Variants in RABEP1 observed in about 807,000 individuals in gnomAD.
RABEP1 encodes rab GTPase-binding effector protein 1.
In RABEP1, 51 loss-of-function variants were observed where a neutral mutation model predicts 123.4. That is an observed-to-expected ratio of 0.41 (90% CI 0.33 to 0.52). The LOEUF (loss-of-function observed/expected upper bound fraction) is 0.52. Ranked by LOEUF, RABEP1 falls within the 20% of genes least tolerant of loss-of-function variation. The pLI, the probability that RABEP1 is intolerant of heterozygous loss-of-function variation, is 0.16. For missense variants in RABEP1, 888 were observed against 996.3 expected (o/e 0.89, Z 1.46); for synonymous variants, 347 against 355.2 (o/e 0.98, Z 0.26).
chr17:5,294,519 G>A (rs1475627963), intron 1 of RABEP1, among the ~76,000 whole-genome samples: 3 of 150,824 alleles, frequency 2.0e-5, no homozygotes, highest in Non-Finnish European at 1.5e-5. Context: ...ATATGCATAA[G>A]TTATATGCAA....
chr17:5,319,981 A>C (rs1268316960), intron 2 of RABEP1, among the ~76,000 whole-genome samples: 1 of 152,200 alleles, frequency 6.6e-6, no homozygotes. Context: ...AATAGCAGAA[A>C]ACTCTCCAAA....
At chr17:5,298,547 T>C (rs920989912) in intron 1 of RABEP1, among the ~76,000 whole-genome samples, 1 of 152,220 alleles carries the variant, frequency 6.6e-6, no homozygotes, top group Non-Finnish European at 1.5e-5. Context: ...TATCTTCATA[T>C]GGAGCTTCTT....
At chr17:5,377,412 G>T (rs942793311) in intron 14 of RABEP1, 107 bp downstream of exon 14, 1 of 804,700 alleles carries the variant, frequency 1.2e-6, no homozygotes, top group East Asian at 3.2e-5. Flanking sequence ...GCTTAGGAAA[G>T]AATTTAGTAA....
chr17:5,315,191 C>T (rs2075284153), intron 2 of RABEP1, among the ~76,000 whole-genome samples: 1 of 152,246 alleles, frequency 6.6e-6, no homozygotes, highest in East Asian at 1.9e-4. Flanking sequence ...TAAACTTGCA[C>T]TTAGATAGGG....
chr17:5,357,302 T>C (rs537824997), intron 8 of RABEP1, among the ~76,000 whole-genome samples: 1 of 152,334 alleles, frequency 6.6e-6, no homozygotes, highest in East Asian at 1.9e-4. Flanking sequence ...AAATGATATT[T>C]AGTGGCTGAC....
In RABEP1 at chr17:5,383,412, C is replaced by A; in HGVS notation, c.*189C>A. On this transcript the variant is annotated 3_prime_UTR_variant, in exon 18 of 18. Transcript: ENST00000537505. ...CAGCAAACAGTGGGGTGATCTGCAGCCCAGAGACCTTCAAATGCGAACACT... is the reference window on the plus strand; with the variant it reads ...CAGCAAACAGTGGGGTGATCTGCAGACCAGAGACCTTCAAATGCGAACACT... The A allele has an allele frequency of 1.8e-6, 1 of 568,850 alleles. No homozygotes were observed. Among genetic ancestry groups the A allele is most frequent in the Non-Finnish European group, 3.1e-6 (1 of 319,384 alleles). 35.2% of individuals were successfully genotyped at this position (568,850 alleles called of 1,614,324 possible). A position where few individuals can be genotyped will look rare whatever the true frequency, so the allele number is the denominator to read the frequency against.
Position 5,335,357 on chromosome 17 carries a change from G to T in RABEP1, c.528+13G>T. 1 of 1,586,114 alleles carries T rather than the reference G, an allele frequency of 6.3e-7. No individual in the cohort carries two copies. Among genetic ancestry groups the T allele is most frequent in the Non-Finnish European group, 8.6e-7 (1 of 1,159,934 alleles). ...TGAAATGAAAAAGGTATGAAGGAAT[G>T]TGTTCATTTGTAGAAATATTTGAAT... is the stretch of plus-strand genomic sequence containing the variant. On this transcript the variant is annotated intron_variant, in intron 4 of 17. Transcript: ENST00000537505.
At chr17:5,298,716 C>G (rs7215167) in intron 1 of RABEP1, among the ~76,000 whole-genome samples, 24 of 149,460 alleles carry the variant, frequency 1.6e-4, no homozygotes, top group African/African-American at 5.9e-4. Context: ...AGTGCAGTAG[C>G]GAGATCTCAG....
chr17:5,386,299 G>C lies in RABEP1; in HGVS notation c.*3076G>C, dbSNP rs1165497751. 5 of 1,516,240 alleles carry C rather than the reference G, an allele frequency of 3.3e-6. No homozygotes were observed. The African/African-American group carries it at 4.2e-5, about 13-fold the overall frequency. The allele number at this position is 1,516,240 out of a possible 1,614,324, so 93.9% of individuals were successfully genotyped here. A position where few individuals can be genotyped will look rare whatever the true frequency, so the allele number is the denominator to read the frequency against. ...AAAATTGTAAAGTCACTCACTTTTG[G>C]AATTATAATAAACCATTTATATGGA... On this transcript the variant is annotated 3_prime_UTR_variant, in exon 18 of 18. Coordinates refer to ENST00000537505, the MANE Select transcript of RABEP1 (RefSeq NM_004703.6).
intron 1 of RABEP1, among the ~76,000 whole-genome samples, chr17:5,294,746 T>C (rs28461369): frequency 0.61 from 89,051 of 145,496 alleles, 28,798 homozygotes; most frequent in East Asian, 0.96. Context: ...CTCCTGGGTT[T>C]GCGCCATTCT....
chr17:5,379,224 A>G (rs569080248), intron 15 of RABEP1, among the ~76,000 whole-genome samples: 2 of 152,242 alleles, frequency 1.3e-5, no homozygotes, highest in African/African-American at 2.4e-5. Context: ...GGGCTCCTCA[A>G]TTACAGGTTT....
At chr17:5,346,565 T>C (rs895310701) in intron 5 of RABEP1, among the ~76,000 whole-genome samples, 7 of 152,222 alleles carry the variant, frequency 4.6e-5, no homozygotes, top group Non-Finnish European at 1.0e-4. Flanking sequence ...GAAATCTCAA[T>C]TGTATATTTT....
At chr17:5,333,384 G>A (rs910364124) in intron 3 of RABEP1, among the ~76,000 whole-genome samples, 4 of 151,678 alleles carry the variant, frequency 2.6e-5, no homozygotes, top group Non-Finnish European at 5.9e-5. Context: ...GGATGGTCTC[G>A]ATCTCCTGAC....
chr17:5,304,030 A>G (rs2075158447), intron 1 of RABEP1, among the ~76,000 whole-genome samples: 3 of 108,882 alleles, frequency 2.8e-5, no homozygotes, highest in Non-Finnish European at 6.6e-5. Context: ...GCGAAATTCC[A>G]TCTCAAAAAA....
At chr17:5,288,020 G>A (rs2074996540) in intron 1 of RABEP1, among the ~76,000 whole-genome samples, 2 of 152,130 alleles carry the variant, frequency 1.3e-5, no homozygotes, top group South Asian at 4.1e-4. Context: ...TATTTTGAAA[G>A]TATGGCCAAC....
At chr17:5,306,115 A>G (rs2075177287) in intron 1 of RABEP1, among the ~76,000 whole-genome samples, 1 of 152,204 alleles carries the variant, frequency 6.6e-6, no homozygotes, top group Admixed American at 6.5e-5. Context: ...CATAAAATGC[A>G]TTTAATATAC....
chr17:5,336,366 A>C (rs1555521733), intron 4 of RABEP1: 1 of 413,034 alleles, frequency 2.4e-6, no homozygotes, highest in Non-Finnish European at 4.7e-6. Context: ...AATGTTTTAC[A>C]TTAGCATGGT....
intron 8 of RABEP1, among the ~76,000 whole-genome samples, chr17:5,359,525 T>C (rs1305952799): frequency 6.6e-6 from 1 of 152,236 alleles, no homozygotes; most frequent in African/African-American, 2.4e-5. Context: ...TTTATTAGGA[T>C]ACTTACTTGG....
chr17:5,381,613 G>C, intron 17 of RABEP1, 108 bp downstream of exon 17: 11 of 1,463,028 alleles, frequency 7.5e-6, no homozygotes, highest in Non-Finnish European at 9.9e-6. Context: ...TTAGAGACTG[G>C]CTGCTCCTAC....
Sources: allele counts gnomAD v4.1 joint callset (sites outside exome capture counted in the v4.1 genomes callset), GRCh38; gene constraint gnomAD v4.1.1; transcripts MANE v1.5; gene names NCBI Gene and HGNC (gene_info 2026-07-23, HGNC 2026-07-21).